Variants in SPINK5 observed in about 807,000 individuals in gnomAD.
The protein encoded by SPINK5 is serine protease inhibitor Kazal-type 5.
Under a neutral mutation model 151.8 loss-of-function variants are expected in SPINK5, and 125 were observed. The ratio of observed to expected loss-of-function variants is 0.82; its 90% CI spans 0.71 to 0.96. SPINK5 has a LOEUF of 0.96. Among genes scored for constraint, SPINK5 ranks in the 40% least tolerant of loss-of-function variants. The pLI is 0.00. For missense variants in SPINK5, 1,194 were observed against 1,291.9 expected, an observed-to-expected ratio of 0.92 and a Z score of 1.16; for synonymous variants, 374 against 395.3, an observed-to-expected ratio of 0.95 and a Z score of 0.64.
chr5:148,086,998 A>C (rs1202470371), intron 5 of SPINK5, among the ~76,000 whole-genome samples: 1 of 151,084 alleles, frequency 6.6e-6, no homozygotes, highest in Non-Finnish European at 1.5e-5. Context: ...ATATACATAT[A>C]TATACATACA....
rs1017294753 is a variant in SPINK5 at position 148,123,768 on chromosome 5, A to G, written c.2539-65A>G. On this transcript the variant is annotated intron_variant, in intron 26 of 32. Transcript: ENST00000256084. The stretch of plus-strand genomic sequence containing the variant: ...TTATGAGTTTATATCTAATCGGTCA[A>G]TCATGTTATCAGGTTTGAAAGATTA... 55 of 1,606,772 alleles carry G rather than the reference A, an allele frequency of 3.4e-5. 2 individuals are homozygous for G. The South Asian group carries it at 5.7e-4, about 17-fold the overall frequency.
At chr5:148,134,632 A>G (rs950675168) in intron 32 of SPINK5, among the ~76,000 whole-genome samples, 1 of 152,060 alleles carries the variant, frequency 6.6e-6, no homozygotes, top group African/African-American at 2.4e-5. Flanking sequence ...TAATGTCACT[A>G]TTATTATTAT....
rs183606405 is a variant in SPINK5 at position 148,121,278 on chromosome 5, A to G, written c.2538+887A>G. 9.7e-4 allele frequency among the ~76,000 whole-genome samples: 147 copies of G among 152,032 alleles called. 1 individual carries two copies. In the East Asian group the frequency reaches 0.018, roughly 19 times the overall value. On this transcript the variant is annotated intron_variant, in intron 26 of 32. Transcript: ENST00000256084. ...CCTTATAAATAGTATTCAACACTAC[A>G]ACACCAACACGTAGAATATTACACA...
intron 18 of SPINK5, 77 bp from the exon 19 acceptor site, chr5:148,111,691 T>C (rs537511953): frequency 4.4e-6 from 7 of 1,606,990 alleles, no homozygotes; most frequent in Non-Finnish European, 5.1e-6. Flanking sequence ...TTTTAGTTTT[T>C]AAAGCAGTAT....
At chr5:148,072,340 G>C in intron 4 of SPINK5, 120 bp downstream of exon 4, 1 of 1,036,752 alleles carries the variant, frequency 9.6e-7, no homozygotes, top group Non-Finnish European at 1.5e-6. Context: ...ACTTAGGAGG[G>C]AGGGAACATG....
At chr5:148,065,502 A>T in intron 2 of SPINK5, 130 bp downstream of exon 2, 1 of 948,124 alleles carries the variant, frequency 1.1e-6, no homozygotes. Flanking sequence ...TTTGTTAAAA[A>T]CACAGAAACA....
intron 5 of SPINK5, among the ~76,000 whole-genome samples, chr5:148,087,532 A>T (rs1210472889): frequency 6.6e-6 from 1 of 151,882 alleles, no homozygotes; most frequent in African/African-American, 2.4e-5. Flanking sequence ...CTTTAAAATT[A>T]TGTCCTCAAC....
intron 4 of SPINK5, among the ~76,000 whole-genome samples, chr5:148,075,694 C>A (rs190361503): frequency 1.3e-5 from 2 of 151,792 alleles, no homozygotes; most frequent in East Asian, 3.9e-4. Context: ...GCAGTCTATA[C>A]CAATCTGAGA....
rs1348933517 is a variant in SPINK5 at position 148,122,361 on chromosome 5, T to C, written c.2539-1472T>C. Among the ~76,000 whole-genome samples the C allele has an allele frequency of 2.6e-5, 4 of 152,220 alleles. No individual in the cohort carries two copies. The East Asian group carries it at 7.7e-4, about 29-fold the overall frequency. On this transcript the variant is annotated intron_variant, in intron 26 of 32. Coordinates refer to ENST00000256084, the MANE Select transcript of SPINK5 (RefSeq NM_006846.4). Reference sequence around the variant, plus strand: ...TTTAATTCCAGAGAATTTTTTAAAATGCTGCAATTAAAAGTAAGGCCTGGA... The same window carrying C: ...TTTAATTCCAGAGAATTTTTTAAAACGCTGCAATTAAAAGTAAGGCCTGGA...
chr5:148,107,794 G>A (rs1019699625), intron 17 of SPINK5, among the ~76,000 whole-genome samples: 1 of 152,114 alleles, frequency 6.6e-6, no homozygotes, highest in Non-Finnish European at 1.5e-5. Flanking sequence ...GTGTAGGTAA[G>A]CCTGTGACTA....
chr5:148,101,631 A>T, intron 14 of SPINK5, 150 bp from the exon 15 acceptor site: 3 of 1,263,384 alleles, frequency 2.4e-6, no homozygotes, highest in Non-Finnish European at 2.3e-6. Context: ...TGTTTTTATC[A>T]CTTAAAAAAT....
intron 28 of SPINK5, chr5:148,125,412 T>C: frequency 1.0e-6 from 1 of 974,586 alleles, no homozygotes; most frequent in Non-Finnish European, 1.6e-6. Flanking sequence ...CAATTGTCCT[T>C]TTGTCAAAAG....
At chr5:148,136,628 T>C (rs1278851933) in intron 32 of SPINK5, among the ~76,000 whole-genome samples, 2 of 152,196 alleles carry the variant, frequency 1.3e-5, no homozygotes, top group Admixed American at 1.3e-4. Flanking sequence ...ATTCAAGTTA[T>C]GACGTAACAT....
chr5:148,107,007 C>A (rs775047897), intron 16 of SPINK5, 30 bp from the exon 17 acceptor site: 1 of 1,607,860 alleles, frequency 6.2e-7, no homozygotes, highest in Non-Finnish European at 8.5e-7. Flanking sequence ...TAGAAAACTA[C>A]TCTGAGAAAA....
chr5:148,123,011 T>C (rs1754313183), intron 26 of SPINK5, among the ~76,000 whole-genome samples: 1 of 151,582 alleles, frequency 6.6e-6, no homozygotes, highest in African/African-American at 2.4e-5. Flanking sequence ...AGTGCACTCA[T>C]AGGGAGACAG....
At chr5:148,136,880 G>T (rs1754706481) in intron 32 of SPINK5, 103 bp from the exon 33 acceptor site, 1 of 1,427,482 alleles carries the variant, frequency 7.0e-7, no homozygotes, top group Admixed American at 1.7e-5. Flanking sequence ...CAGAATGCAG[G>T]ATCTATGGAT....
chr5:148,079,873 T>TC (rs372049427), intron 4 of SPINK5, among the ~76,000 whole-genome samples: 75 of 151,206 alleles, frequency 5.0e-4, no homozygotes, highest in African/African-American at 1.8e-3. Flanking sequence ...CTGTCACCAC[T>TC]CCTATTCAAC....
rs376787665 is a variant in SPINK5 at position 148,099,231 on chromosome 5, C to T, written c.1011-3C>T. ...GATCTGCTTCTTTTTCCCTCTTATT[C>T]AGCCAAGCAGAAAATGAAGAAAAGA... On this transcript the variant is annotated splice_polypyrimidine_tract_variant and splice_region_variant and intron_variant, in intron 11 of 32. Transcript: ENST00000256084. 8.1e-6 allele frequency: 13 copies of T among 1,607,142 alleles called. No individual in the cohort carries two copies. The highest frequency in any genetic ancestry group is 9.4e-6 in the Non-Finnish European group (11 of 1,176,246).
chr5:148,069,858 T>C (rs1404880539), intron 2 of SPINK5, among the ~76,000 whole-genome samples: 1 of 152,112 alleles, frequency 6.6e-6, no homozygotes, highest in African/African-American at 2.4e-5. Context: ...CAAGAAATCC[T>C]TTTTTCATTT....
Sources: gnomAD v4.1 joint callset for allele counts (sites outside exome capture counted in the v4.1 genomes callset) on GRCh38, gnomAD v4.1.1 for gene constraint, MANE v1.5 for transcripts, NCBI Gene and HGNC (gene_info 2026-07-23, HGNC 2026-07-21) for gene names.